Variants in HDAC9 observed in about 807,000 individuals in gnomAD.
HDAC9 encodes histone deacetylase 9, also known as MEF-2 interacting transcription repressor (MITR) protein.
A neutral mutation model predicts 139.4 loss-of-function variants in HDAC9; 41 were observed. That is an observed-to-expected ratio of 0.29 (90% CI 0.23 to 0.38). The LOEUF is 0.38. Ranked by LOEUF, HDAC9 falls within the 10% of genes least tolerant of loss-of-function variation. The probability of loss-of-function intolerance (pLI) is 1.00; values close to 1 mark genes in which losing one functional copy is unlikely to be tolerated. For synonymous variants in HDAC9, 517 were observed against 476.2 expected (o/e 1.09, Z -1.12); for missense variants, 1,147 against 1,297.0 (o/e 0.88, Z 1.78).
At chr7:18,869,888 T>G (rs922896667) in intron 21 of HDAC9, among the ~76,000 whole-genome samples, 2 of 41,574 alleles carry the variant, frequency 4.8e-5, no homozygotes, top group Non-Finnish European at 8.2e-5. Context: ...GTTTTTTTTG[T>G]TTTTTTTTTT....
At chr7:18,975,011 A>C (rs1188712702) in intron 24 of HDAC9, among the ~76,000 whole-genome samples, 2 of 152,190 alleles carry the variant, frequency 1.3e-5, no homozygotes, top group South Asian at 2.1e-4. Context: ...GCACCTAGGG[A>C]GATTCTCCTG....
intron 2 of HDAC9, among the ~76,000 whole-genome samples, chr7:18,554,834 A>G (rs1374560101): frequency 6.6e-6 from 1 of 152,132 alleles, no homozygotes; most frequent in African/African-American, 2.4e-5. Context: ...CTTACAAATC[A>G]TTGGGTGCAT....
At chr7:18,628,116 G>T (rs575391416) in intron 6 of HDAC9, among the ~76,000 whole-genome samples, 1 of 152,082 alleles carries the variant, frequency 6.6e-6, no homozygotes, top group Non-Finnish European at 1.5e-5. Context: ...TTATAACATT[G>T]TGTCTGCTCT....
chr7:18,425,289 T>C (rs1434827495), intron 1 of HDAC9, among the ~76,000 whole-genome samples: 1 of 152,224 alleles, frequency 6.6e-6, no homozygotes, highest in Non-Finnish European at 1.5e-5. Context: ...GAAATAGTTG[T>C]AAAATGCCAG....
chr7:18,408,791 A>G (rs1307338197), intron 1 of HDAC9, among the ~76,000 whole-genome samples: 1 of 152,194 alleles, frequency 6.6e-6, no homozygotes, highest in Non-Finnish European at 1.5e-5. Context: ...GGGTATTTAC[A>G]TAAGAGCAAA....
At chr7:18,138,973 A>G (rs1050157184) in intron 1 of HDAC9, among the ~76,000 whole-genome samples, 1 of 152,306 alleles carries the variant, frequency 6.6e-6, no homozygotes, top group East Asian at 1.9e-4. Context: ...CAGTTCTAGT[A>G]ATCTTCCATT....
At chr7:18,344,255 A>AT (rs1450955040) in intron 1 of HDAC9, among the ~76,000 whole-genome samples, 1 of 151,918 alleles carries the variant, frequency 6.6e-6, no homozygotes, top group Non-Finnish European at 1.5e-5. Context: ...ATCTAATAAG[A>AT]TATCAGAGGT....
intron 1 of HDAC9, among the ~76,000 whole-genome samples, chr7:18,350,373 A>G (rs1225709428): frequency 6.6e-6 from 1 of 152,188 alleles, no homozygotes; most frequent in African/African-American, 2.4e-5. Flanking sequence ...GCAAAACAAC[A>G]TTTAGCAACT....
chr7:18,385,521 G>A (rs1243949028), intron 1 of HDAC9, among the ~76,000 whole-genome samples: 1 of 152,096 alleles, frequency 6.6e-6, no homozygotes, highest in Non-Finnish European at 1.5e-5. Context: ...ATTGTTTTCT[G>A]GTCTGTGGTA....
intron 1 of HDAC9, among the ~76,000 whole-genome samples, chr7:18,381,198 C>CAAA (rs60825586): frequency 9.5e-5 from 7 of 73,334 alleles, no homozygotes; most frequent in Non-Finnish European, 1.2e-4. Context: ...GACTCTGTCT[C>CAAA]AAAAAAAAAA....
chr7:18,565,239 G>A (rs946841135), intron 2 of HDAC9, among the ~76,000 whole-genome samples: 4 of 151,982 alleles, frequency 2.6e-5, no homozygotes, highest in African/African-American at 4.8e-5. Flanking sequence ...CAGGTGGTCC[G>A]CCCGCCTCAG....
rs141951781 is a variant in HDAC9 at position 18,605,243 on chromosome 7, T to C, written c.664+11214T>C. Among the ~76,000 whole-genome samples the C allele has an allele frequency of 2.3e-3, 353 of 152,342 alleles. 6 individuals carry two copies. The highest frequency in any genetic ancestry group is 8.3e-3 in the African/African-American group (345 of 41,568). ...ATAATACAGAACCTGGTTGATGTGA[T>C]GGTAAGGCGTTGGACAGGAGAAATG... is the stretch of plus-strand genomic sequence containing the variant. On this transcript the variant is annotated intron_variant, in intron 6 of 25. Coordinates refer to ENST00000686413, the MANE Select transcript of HDAC9 (RefSeq NM_178425.4).
chr7:18,301,670 T>C (rs1798548944), intron 1 of HDAC9, among the ~76,000 whole-genome samples: 1 of 152,204 alleles, frequency 6.6e-6, no homozygotes, highest in African/African-American at 2.4e-5. Flanking sequence ...AAATCAGTTA[T>C]ATTTTTTGTA....
intron 21 of HDAC9, among the ~76,000 whole-genome samples, chr7:18,841,341 T>C (rs529487903): frequency 6.6e-6 from 1 of 152,198 alleles, no homozygotes; most frequent in East Asian, 1.9e-4. Flanking sequence ...TATTTTAATA[T>C]AATTTCATGA....
chr7:18,702,509 A>T (rs150154744), intron 12 of HDAC9, among the ~76,000 whole-genome samples: 187 of 152,292 alleles, frequency 1.2e-3, no homozygotes, highest in Middle Eastern at 3.4e-3. Flanking sequence ...GTTTTTGCTA[A>T]ACATTAGATG....
At chr7:18,913,785 G>T (rs919760937) in intron 22 of HDAC9, among the ~76,000 whole-genome samples, 1 of 151,926 alleles carries the variant, frequency 6.6e-6, no homozygotes, top group Non-Finnish European at 1.5e-5. Context: ...TGGAAGTTAA[G>T]GATGAAGCAT....
chr7:18,409,048 T>G (rs748678797), intron 1 of HDAC9, among the ~76,000 whole-genome samples: 2 of 152,192 alleles, frequency 1.3e-5, no homozygotes, highest in Non-Finnish European at 2.9e-5. Context: ...GTTTGTGTGC[T>G]TTTACTTGTT....
At chr7:18,868,466 A>T (rs762979790) in intron 21 of HDAC9, among the ~76,000 whole-genome samples, 2 of 152,182 alleles carry the variant, frequency 1.3e-5, no homozygotes, top group Non-Finnish European at 2.9e-5. Context: ...AGGCGTTGGG[A>T]TGTAGTCTGA....
At chr7:18,331,530 G>T (rs75636260) in intron 1 of HDAC9, among the ~76,000 whole-genome samples, 3,360 of 151,640 alleles carry the variant, frequency 0.022, 50 homozygotes, top group Middle Eastern at 0.037. Flanking sequence ...CTTGCAGAAT[G>T]TAACAGAAAT....
Sources: gnomAD v4.1 joint callset for allele counts (sites outside exome capture counted in the v4.1 genomes callset) on GRCh38, gnomAD v4.1.1 for gene constraint, MANE v1.5 for transcripts, NCBI Gene and HGNC (gene_info 2026-07-23, HGNC 2026-07-21) for gene names.